DLGAP1: variants seen among roughly 807,000 people sequenced by gnomAD.
The protein encoded by DLGAP1 is disks large-associated protein 1.
A neutral mutation model predicts 90.8 loss-of-function variants in DLGAP1; 11 were observed. That is an observed-to-expected ratio of 0.12 (90% confidence interval 0.08 to 0.20). DLGAP1 has a LOEUF of 0.20. Ranked by LOEUF, DLGAP1 falls within the 10% of genes least tolerant of loss-of-function variation. The probability of loss-of-function intolerance (pLI) is 1.00; values close to 1 mark genes in which losing one functional copy is unlikely to be tolerated. For synonymous variants in DLGAP1, 558 were observed against 540.7 expected (o/e 1.03, Z -0.44); for missense variants, 1,050 against 1,333.8 (o/e 0.79, Z 3.31).
At chr18:3,861,194 A>G (rs532593151) in intron 4 of DLGAP1, among the ~76,000 whole-genome samples, 79 of 152,324 alleles carry the variant, frequency 5.2e-4, no homozygotes, top group South Asian at 1.0e-3. Context: ...ATCCTATGAC[A>G]GGGATTACAT....
chr18:3,939,442 A>T (rs1036090301), intron 3 of DLGAP1, among the ~76,000 whole-genome samples: 1 of 147,338 alleles, frequency 6.8e-6, no homozygotes, highest in Non-Finnish European at 1.5e-5. Flanking sequence ...AAAAAAAACC[A>T]ACAAAAAAAC....
In DLGAP1 at chr18:4,291,437, CACA is replaced by C. The variant is rs541604763; in HGVS notation, c.-266-140153_-266-140151del. ...TAAGCATATTGTTTATAGAACTTTC[CACA>C]ACAAGACAGTCCAGTGAAAGCTATC... On this transcript the variant is annotated intron_variant, in intron 1 of 12. Transcript: ENST00000315677. 1.2e-3 allele frequency among the ~76,000 whole-genome samples: 186 copies of C among 152,158 alleles called. 5 individuals are homozygous for C. In the South Asian group the frequency reaches 0.022, roughly 18 times the overall value.
intron 7 of DLGAP1, among the ~76,000 whole-genome samples, chr18:3,679,260 C>G (rs1310122986): frequency 6.9e-6 from 1 of 145,114 alleles, no homozygotes; most frequent in African/African-American, 2.6e-5. Context: ...GACCTCCATT[C>G]TCTTATAATT....
At chr18:4,253,395 A>T (rs1031224165) in intron 1 of DLGAP1, among the ~76,000 whole-genome samples, 4 of 152,120 alleles carry the variant, frequency 2.6e-5, no homozygotes, top group Non-Finnish European at 5.9e-5. Context: ...TATTTCTTAG[A>T]ACTATCTTAT....
chr18:3,620,622 A>G (rs2058062663), intron 7 of DLGAP1, among the ~76,000 whole-genome samples: 1 of 152,030 alleles, frequency 6.6e-6, no homozygotes, highest in Admixed American at 6.6e-5. Flanking sequence ...CAATGGCAAG[A>G]TCTCAACTCA....
At chr18:3,507,475 C>T (rs1244236804) in intron 11 of DLGAP1, among the ~76,000 whole-genome samples, 2 of 152,192 alleles carry the variant, frequency 1.3e-5, no homozygotes, top group African/African-American at 2.4e-5. Flanking sequence ...GAGCCGAGAT[C>T]GTGCCATTGC....
intron 1 of DLGAP1, among the ~76,000 whole-genome samples, chr18:4,438,711 C>T (rs1293789967): frequency 1.3e-5 from 2 of 152,142 alleles, no homozygotes; most frequent in Non-Finnish European, 2.9e-5. Context: ...CCTTGACAGG[C>T]ATCCTAGCAT....
At chr18:3,519,352 C>T (rs1270759345) in intron 10 of DLGAP1, among the ~76,000 whole-genome samples, 2 of 152,154 alleles carry the variant, frequency 1.3e-5, no homozygotes, top group Non-Finnish European at 1.5e-5. Context: ...ACACCATAAA[C>T]CAATGGTCCC....
intron 1 of DLGAP1, among the ~76,000 whole-genome samples, chr18:4,180,818 C>T (rs2077195341): frequency 6.6e-6 from 1 of 152,008 alleles, no homozygotes; most frequent in Admixed American, 6.6e-5. Flanking sequence ...AATGGAGAAA[C>T]TGGCTTTCAG....
At chr18:3,807,503 T>C (rs1156251710) in intron 5 of DLGAP1, among the ~76,000 whole-genome samples, 1 of 152,160 alleles carries the variant, frequency 6.6e-6, no homozygotes, top group Non-Finnish European at 1.5e-5. Context: ...AGAGTTCTGA[T>C]GATCAAAAGA....
intron 3 of DLGAP1, among the ~76,000 whole-genome samples, chr18:4,000,659 T>C (rs2074164753): frequency 6.6e-6 from 1 of 152,212 alleles, no homozygotes; most frequent in Non-Finnish European, 1.5e-5. Flanking sequence ...GACCATGGTA[T>C]TTAAAGATCA....
rs140337130 is a variant in DLGAP1 at position 3,722,904 on chromosome 18, T to C, written c.1591+6231A>G. Among the ~76,000 whole-genome samples, 1,125 of 152,304 alleles carry C rather than the reference T, an allele frequency of 7.4e-3. 9 individuals are homozygous for C. The highest frequency in any genetic ancestry group is 0.025 in the African/African-American group (1,056 of 41,574). ...GAAACTGAAGTTCAGATTAACTTCA[T>C]ACTCAAGCAATAAATAATTTGTAGA... is the stretch of plus-strand genomic sequence containing the variant. On this transcript the variant is annotated intron_variant, in intron 7 of 12. Transcript: ENST00000315677.
chr18:4,040,484 A>T (rs1393642612), intron 2 of DLGAP1, among the ~76,000 whole-genome samples: 1 of 152,172 alleles, frequency 6.6e-6, no homozygotes, highest in Non-Finnish European at 1.5e-5. Flanking sequence ...ATGCAGAGAG[A>T]TTTCTATCTT....
At chr18:3,766,172 T>A (rs529367477) in intron 5 of DLGAP1, among the ~76,000 whole-genome samples, 1 of 151,896 alleles carries the variant, frequency 6.6e-6, no homozygotes, top group African/African-American at 2.4e-5. Flanking sequence ...TAAAGGAAAA[T>A]AGGAGTTGCT....
intron 2 of DLGAP1, among the ~76,000 whole-genome samples, chr18:4,078,973 A>G (rs1195642294): frequency 6.6e-6 from 1 of 152,166 alleles, no homozygotes; most frequent in African/African-American, 2.4e-5. Flanking sequence ...TGTTTTACAA[A>G]TAGATACTCT....
intron 5 of DLGAP1, among the ~76,000 whole-genome samples, chr18:3,773,250 C>A (rs1157038549): frequency 1.3e-5 from 2 of 152,126 alleles, no homozygotes; most frequent in African/African-American, 4.8e-5. Flanking sequence ...AACTGACACA[C>A]ACATAAACTC....
At chr18:3,801,787 T>G (rs2066304738) in intron 5 of DLGAP1, among the ~76,000 whole-genome samples, 1 of 151,962 alleles carries the variant, frequency 6.6e-6, no homozygotes, top group Admixed American at 6.6e-5. Flanking sequence ...GCACAAGAAA[T>G]GCAGCAAAAA....
intron 7 of DLGAP1, among the ~76,000 whole-genome samples, chr18:3,639,875 C>T (rs559047481): frequency 7.0e-6 from 1 of 143,118 alleles, no homozygotes; most frequent in South Asian, 2.2e-4. Context: ...CTGCCTCAGC[C>T]TTCGGAGCAG....
At chr18:3,999,412 G>A (rs749138661) in intron 3 of DLGAP1, among the ~76,000 whole-genome samples, 9 of 152,018 alleles carry the variant, frequency 5.9e-5, no homozygotes, top group Non-Finnish European at 1.3e-4. Flanking sequence ...CCAAATGCTT[G>A]GCATCACTTT....
Sources: allele counts gnomAD v4.1 joint callset (sites outside exome capture counted in the v4.1 genomes callset), GRCh38; gene constraint gnomAD v4.1.1; transcripts MANE v1.5; gene names NCBI Gene and HGNC (gene_info 2026-07-23, HGNC 2026-07-21).